Variants in ATP8A2 observed in about 807,000 individuals in gnomAD.
ATP8A2 encodes phospholipid-transporting ATPase IB.
A neutral mutation model predicts 165.6 loss-of-function variants in ATP8A2; 100 were observed. That is an observed-to-expected ratio of 0.60 (90% confidence interval 0.51 to 0.71). ATP8A2 has a LOEUF of 0.71. ATP8A2 is among the 30% of genes least tolerant of loss of function. The probability of loss-of-function intolerance (pLI) is 0.00; values close to 1 mark genes in which losing one functional copy is unlikely to be tolerated. For missense variants in ATP8A2, 1,227 were observed against 1,479.5 expected (o/e 0.83, Z 2.80); for synonymous variants, 543 against 548.8 (o/e 0.99, Z 0.15).
At chr13:25,949,499 A>G (rs543512100) in intron 33 of ATP8A2, among the ~76,000 whole-genome samples, 57 of 152,338 alleles carry the variant, frequency 3.7e-4, no homozygotes, top group South Asian at 3.5e-3. Flanking sequence ...TTGGCTTTCT[A>G]TGTAACCACA....
intron 24 of ATP8A2, among the ~76,000 whole-genome samples, chr13:25,682,056 G>A (rs1428389573): frequency 6.6e-6 from 1 of 152,056 alleles, no homozygotes; most frequent in Non-Finnish European, 1.5e-5. Context: ...AAATTACTGT[G>A]TATCCATTTC....
chr13:25,605,169 G>A lies in ATP8A2; in HGVS notation c.2211+15470G>A, dbSNP rs34839885. Reference sequence around the variant, plus strand: ...AGGCTAACATCTGTCAAGTTCCTTCGTCAGTGAACTTTATTCTGTGGTCAA... The same window carrying A: ...AGGCTAACATCTGTCAAGTTCCTTCATCAGTGAACTTTATTCTGTGGTCAA... On this transcript the variant is annotated intron_variant, in intron 24 of 36. Coordinates refer to ENST00000381655, the MANE Select transcript of ATP8A2 (RefSeq NM_016529.6). Among the ~76,000 whole-genome samples, 818 of 152,154 alleles carry A rather than the reference G, an allele frequency of 5.4e-3. 9 individuals carry two copies. Among genetic ancestry groups the A allele is most frequent in the South Asian group, 0.021 (100 of 4,822 alleles).
chr13:25,520,956 T>C (rs2037653240), intron 2 of ATP8A2, among the ~76,000 whole-genome samples: 1 of 152,230 alleles, frequency 6.6e-6, no homozygotes, highest in African/African-American at 2.4e-5. Flanking sequence ...TTTTCTATAC[T>C]GGCTGTACCA....
At chr13:25,519,324 A>C (rs1026011669) in intron 2 of ATP8A2, among the ~76,000 whole-genome samples, 2 of 151,450 alleles carry the variant, frequency 1.3e-5, no homozygotes, top group African/African-American at 4.9e-5. Context: ...TCCTTCCCTG[A>C]TCTGTTTTCC....
chr13:25,929,330 G>A (rs574886510), intron 33 of ATP8A2, among the ~76,000 whole-genome samples: 105 of 152,212 alleles, frequency 6.9e-4, no homozygotes, highest in African/African-American at 2.4e-3. Context: ...ATCCTGGAAC[G>A]GTGAGGCTGC....
chr13:25,774,784 TTC>T, intron 26 of ATP8A2, 63 bp from the exon 27 acceptor site: 1 of 921,658 alleles, frequency 1.1e-6, no homozygotes, highest in Non-Finnish European at 1.8e-6. Context: ...CATAAGGACA[TTC>T]TGTTTGTGAC....
intron 28 of ATP8A2, among the ~76,000 whole-genome samples, chr13:25,829,696 AT>A: frequency 1.6e-5 from 1 of 61,634 alleles, no homozygotes; most frequent in Non-Finnish European, 3.5e-5. Context: ...ATATATATAT[AT>A]ATATATATAT....
At chr13:25,560,910 G>A (rs1259549160) in intron 15 of ATP8A2, among the ~76,000 whole-genome samples, 7 of 149,160 alleles carry the variant, frequency 4.7e-5, no homozygotes, top group Non-Finnish European at 3.0e-5. Context: ...TTTTTGAGAC[G>A]GAGTCTCGCT....
chr13:25,968,616 A>AG lies in ATP8A2; in HGVS notation c.3316dup (p.Glu1106GlyfsTer17). ...AAAAAGACATTGCTGGAGGAGGTGCAGGAGCTGGAAACCAAGTCTCGAGTC... is the reference window on the plus strand; with the variant it reads ...AAAAAGACATTGCTGGAGGAGGTGCAGGGAGCTGGAAACCAAGTCTCGAGTC... On this transcript the variant is annotated frameshift_variant, in exon 35 of 37. Transcript: ENST00000381655. LOFTEE classifies it high-confidence loss of function. 6.2e-7 allele frequency: 1 copy of AG among 1,613,968 alleles called. No individual in the cohort carries two copies. Among genetic ancestry groups the AG allele is most frequent in the Non-Finnish European group, 8.5e-7 (1 of 1,180,008 alleles).
intron 28 of ATP8A2, among the ~76,000 whole-genome samples, chr13:25,835,866 A>G (rs1426374353): frequency 6.6e-6 from 1 of 152,150 alleles, no homozygotes; most frequent in Non-Finnish European, 1.5e-5. Context: ...TATCTTAGAA[A>G]GTTCCTCGTC....
In ATP8A2 at chr13:25,981,657, T is replaced by A. The variant is rs186073275; in HGVS notation, c.3377+12978T>A. 9.0e-3 allele frequency among the ~76,000 whole-genome samples: 1,366 copies of A among 152,288 alleles called. 10 individuals are homozygous for A. The highest frequency in any genetic ancestry group is 0.027 in the Middle Eastern group (8 of 294). On this transcript the variant is annotated intron_variant, in intron 35 of 36. Coordinates refer to ENST00000381655, the MANE Select transcript of ATP8A2 (RefSeq NM_016529.6). ...GTTCTTATACTAATTAAATATTTTT[T>A]AAAAATATTCAATGTATAAAAAATG...
intron 27 of ATP8A2, among the ~76,000 whole-genome samples, chr13:25,779,200 T>G (rs982031822): frequency 6.6e-6 from 1 of 152,248 alleles, no homozygotes; most frequent in East Asian, 1.9e-4. Context: ...TAAGGACAGA[T>G]TGTATGCTTT....
chr13:25,977,026 T>TCCACGCCCACCCCCACCCCCACCC (rs1956059832), intron 35 of ATP8A2, among the ~76,000 whole-genome samples: 1 of 125,370 alleles, frequency 8.0e-6, no homozygotes, highest in Non-Finnish European at 1.6e-5. Context: ...GACCTTGTGA[T>TCCACGCCCACCCCCACCCCCACCC]CCACCCCCAC....
intron 2 of ATP8A2, among the ~76,000 whole-genome samples, chr13:25,506,940 C>CAT (rs59774160): frequency 0.093 from 12,004 of 128,542 alleles, 1,309 homozygotes; most frequent in African/African-American, 0.25. Flanking sequence ...CAGTACAGTA[C>CAT]ATATATATAT....
intron 35 of ATP8A2, among the ~76,000 whole-genome samples, chr13:25,976,877 C>T (rs994844155): frequency 8.5e-5 from 13 of 152,120 alleles, no homozygotes; most frequent in African/African-American, 2.7e-4. Context: ...CAACCTCTGC[C>T]TCCCAGGTTC....
chr13:25,824,451 G>A (rs613023), intron 27 of ATP8A2, among the ~76,000 whole-genome samples: 28,051 of 151,906 alleles, frequency 0.18, 2,747 homozygotes, highest in Admixed American at 0.24. Flanking sequence ...GATTTTCTTC[G>A]GCCGTGTGGC....
chr13:25,396,905 G>A (rs2033445038), intron 1 of ATP8A2, among the ~76,000 whole-genome samples: 1 of 152,188 alleles, frequency 6.6e-6, no homozygotes, highest in African/African-American at 2.4e-5. Flanking sequence ...CAGCAAAGCA[G>A]CTTTATTACT....
intron 25 of ATP8A2, among the ~76,000 whole-genome samples, chr13:25,709,031 GTTAA>G (rs2043107524): frequency 1.3e-5 from 2 of 152,170 alleles, no homozygotes; most frequent in African/African-American, 2.4e-5. Context: ...TTGTTAACCA[GTTAA>G]CTGAGCTCTG....
chr13:25,385,745 G>C (rs2033017668), intron 1 of ATP8A2, among the ~76,000 whole-genome samples: 1 of 152,062 alleles, frequency 6.6e-6, no homozygotes. Flanking sequence ...AGGCTGGAGT[G>C]CAGTGGTGCA....
Sources: allele counts gnomAD v4.1 joint callset (sites outside exome capture counted in the v4.1 genomes callset), GRCh38; gene constraint gnomAD v4.1.1; transcripts MANE v1.5; gene names NCBI Gene and HGNC (gene_info 2026-07-23, HGNC 2026-07-21).